The following BICC1 variants were observed in gnomAD, a reference collection of about 807,000 sequenced individuals.
BICC1 encodes the protein protein bicaudal C homolog 1.
Under a neutral mutation model 111.0 loss-of-function variants are expected in BICC1, and 43 were observed. The ratio of observed to expected loss-of-function variants is 0.39; its 90% confidence interval spans 0.30 to 0.50. The LOEUF is 0.50. Ranked by LOEUF, BICC1 falls within the 20% of genes least tolerant of loss-of-function variation. The probability of loss-of-function intolerance (pLI) is 0.88; values close to 1 mark genes in which losing one functional copy is unlikely to be tolerated. For synonymous variants in BICC1, 467 were observed against 434.4 expected, an observed-to-expected ratio of 1.07 and a Z score of -0.93; for missense variants, 1,091 against 1,203.2, an observed-to-expected ratio of 0.91 and a Z score of 1.38.
chr10:58,754,968 T>C (rs777086319), intron 3 of BICC1, among the ~76,000 whole-genome samples: 1 of 152,202 alleles, frequency 6.6e-6, no homozygotes, highest in Admixed American at 6.5e-5. Context: ...TTGTTGCTAA[T>C]ACCAGATGAG....
rs1383084417 is a variant in BICC1 at position 58,588,689 on chromosome 10, CACA to C, written c.191-32165_191-32163del. Among the ~76,000 whole-genome samples the C allele has an allele frequency of 3.9e-5, 6 of 152,174 alleles. No individual in the cohort carries two copies. The East Asian group carries it at 9.6e-4, about 24-fold the overall frequency. The stretch of plus-strand genomic sequence containing the variant: ...CCAGAGGGTGCTGTGCACACGATGT[CACA>C]GGTACCATGTGGCTTTAAGGTAGTA... On this transcript the variant is annotated intron_variant, in intron 1 of 20. Transcript: ENST00000373886.
intron 1 of BICC1, among the ~76,000 whole-genome samples, chr10:58,606,441 T>C (rs1029494509): frequency 2.2e-5 from 3 of 134,826 alleles, no homozygotes; most frequent in African/African-American, 5.5e-5. Flanking sequence ...AGGGATAGCA[T>C]TGGGAGATAT....
intron 3 of BICC1, among the ~76,000 whole-genome samples, chr10:58,776,451 G>T (rs1842751125): frequency 6.6e-6 from 1 of 152,128 alleles, no homozygotes; most frequent in Admixed American, 6.5e-5. Context: ...GTCACTTCTG[G>T]CTCTTAGAAG....
chr10:58,563,981 A>G (rs191553214), intron 1 of BICC1, among the ~76,000 whole-genome samples: 222 of 152,344 alleles, frequency 1.5e-3, no homozygotes, highest in African/African-American at 5.1e-3. Flanking sequence ...TCTTTCAAGT[A>G]GAAAAATAAA....
intron 2 of BICC1, among the ~76,000 whole-genome samples, chr10:58,673,019 A>C (rs185810994): frequency 6.6e-6 from 1 of 152,194 alleles, no homozygotes; most frequent in African/African-American, 2.4e-5. Context: ...GCACTGTTGC[A>C]GATGAATGCA....
At chr10:58,513,791 G>C (rs1159888423) in intron 1 of BICC1, among the ~76,000 whole-genome samples, 1 of 152,188 alleles carries the variant, frequency 6.6e-6, no homozygotes, top group East Asian at 1.9e-4. Context: ...CAGCTGAGGG[G>C]CCTTGTCTCA....
intron 1 of BICC1, among the ~76,000 whole-genome samples, chr10:58,607,341 T>TAAATAAATAAATAAATAAATAAAG (rs879657768): frequency 2.2e-4 from 34 of 151,824 alleles, no homozygotes; most frequent in Middle Eastern, 3.4e-3. Context: ...AATAAATAAA[T>TAAATAAATAAATAAATAAATAAAG]AAAACTGTCA....
chr10:58,698,525 C>T (rs1298865798), intron 2 of BICC1, among the ~76,000 whole-genome samples: 1 of 152,166 alleles, frequency 6.6e-6, no homozygotes, highest in Non-Finnish European at 1.5e-5. Context: ...AGGATCCCCT[C>T]TGTACATGCT....
intron 3 of BICC1, chr10:58,715,703 G>A: frequency 1.9e-6 from 3 of 1,583,834 alleles, no homozygotes; most frequent in Non-Finnish European, 2.6e-6. Flanking sequence ...AACTAGAAAA[G>A]AAAAAGAAAG....
At chr10:58,623,441 GT>G (rs1207066089) in intron 2 of BICC1, among the ~76,000 whole-genome samples, 1 of 152,114 alleles carries the variant, frequency 6.6e-6, no homozygotes, top group Non-Finnish European at 1.5e-5. Context: ...TCTATACACT[GT>G]TTTGCTGCAT....
intron 1 of BICC1, among the ~76,000 whole-genome samples, chr10:58,599,642 A>G (rs1032384818): frequency 2.0e-5 from 3 of 152,122 alleles, no homozygotes; most frequent in Non-Finnish European, 4.4e-5. Context: ...CAGAACTTAA[A>G]GCATATTAAT....
chr10:58,749,186 C>T (rs1252742431), intron 3 of BICC1, among the ~76,000 whole-genome samples: 1 of 152,034 alleles, frequency 6.6e-6, no homozygotes, highest in Non-Finnish European at 1.5e-5. Context: ...TTCTTTGTAT[C>T]CTGAGTCCAT....
At chr10:58,594,254 T>C (rs1229307440) in intron 1 of BICC1, among the ~76,000 whole-genome samples, 4 of 152,160 alleles carry the variant, frequency 2.6e-5, no homozygotes, top group Non-Finnish European at 5.9e-5. Flanking sequence ...ATTTGATTGG[T>C]GTACCTGAAA....
chr10:58,795,023 T>A (rs1371479648), intron 9 of BICC1, among the ~76,000 whole-genome samples: 1 of 152,186 alleles, frequency 6.6e-6, no homozygotes, highest in African/African-American at 2.4e-5. Context: ...GTATAAAGCA[T>A]TGTTTAGAAG....
At chr10:58,628,010 T>C (rs1289768409) in intron 2 of BICC1, among the ~76,000 whole-genome samples, 1 of 152,120 alleles carries the variant, frequency 6.6e-6, no homozygotes, top group Non-Finnish European at 1.5e-5. Flanking sequence ...GGTACAAAAA[T>C]TAGGACAAAA....
At chr10:58,661,844 T>C (rs1174723651) in intron 2 of BICC1, among the ~76,000 whole-genome samples, 1 of 152,188 alleles carries the variant, frequency 6.6e-6, no homozygotes, top group East Asian at 1.9e-4. Flanking sequence ...ATATGAGGCA[T>C]TGAAATTTGG....
At chr10:58,591,756 A>G (rs750249104) in intron 1 of BICC1, among the ~76,000 whole-genome samples, 3 of 152,210 alleles carry the variant, frequency 2.0e-5, no homozygotes, top group African/African-American at 4.8e-5. Flanking sequence ...TAGGAAGGCC[A>G]TTGCCTTCTC....
chr10:58,526,850 C>T (rs1219278287), intron 1 of BICC1, among the ~76,000 whole-genome samples: 1 of 152,086 alleles, frequency 6.6e-6, no homozygotes, highest in African/African-American at 2.4e-5. Context: ...GGGTTGGTTC[C>T]AAGTCTTTGC....
chr10:58,659,772 G>A (rs1838780419), intron 2 of BICC1, among the ~76,000 whole-genome samples: 1 of 152,118 alleles, frequency 6.6e-6, no homozygotes, highest in South Asian at 2.1e-4. Flanking sequence ...ACTGATAAAA[G>A]TAGAAGCCCA....
Sources: allele counts gnomAD v4.1 joint callset (sites outside exome capture counted in the v4.1 genomes callset), GRCh38; gene constraint gnomAD v4.1.1; transcripts MANE v1.5; gene names NCBI Gene and HGNC (gene_info 2026-07-23, HGNC 2026-07-21).